RIPOR2: variants seen among roughly 807,000 people sequenced by gnomAD.
The protein encoded by RIPOR2 is rho family-interacting cell polarization regulator 2.
Under a neutral mutation model 114.5 loss-of-function variants are expected in RIPOR2, and 39 were observed. That is an observed-to-expected ratio of 0.34 (90% CI 0.26 to 0.44). The LOEUF (loss-of-function observed/expected upper bound fraction) is 0.44. Ranked by LOEUF, RIPOR2 falls within the 20% of genes least tolerant of loss-of-function variation. RIPOR2 has a pLI of 1.00. For missense variants in RIPOR2, 1,007 were observed against 1,255.1 expected, an observed-to-expected ratio of 0.80 and a Z score of 2.99; for synonymous variants, 445 against 484.4, an observed-to-expected ratio of 0.92 and a Z score of 1.07.
At chr6:24,872,054 A>G (rs190793022) in intron 4 of RIPOR2, among the ~76,000 whole-genome samples, 6 of 152,380 alleles carry the variant, frequency 3.9e-5, no homozygotes, top group Non-Finnish European at 7.3e-5. Context: ...GACAGCAGCT[A>G]TGAATGTCTA....
chr6:24,841,657 AC>A (rs1761732529), intron 13 of RIPOR2, among the ~76,000 whole-genome samples: 1 of 145,516 alleles, frequency 6.9e-6, no homozygotes, highest in Non-Finnish European at 1.5e-5. Flanking sequence ...TCACTTTTTC[AC>A]CCAGGCTGGA....
chr6:25,010,836 G>A (rs540113576), intron 1 of RIPOR2, among the ~76,000 whole-genome samples: 1 of 152,302 alleles, frequency 6.6e-6, no homozygotes, highest in Non-Finnish European at 1.5e-5. Flanking sequence ...AAATAAGATG[G>A]ACTTCTTGCC....
At position 24,868,086 on chromosome 6, in the gene RIPOR2, A is replaced by G. The variant is rs530626784; in HGVS notation, c.501+1008T>C. Among the ~76,000 whole-genome samples the G allele has an allele frequency of 1.1e-4, 17 of 152,366 alleles. No homozygotes were observed. The East Asian group carries it at 1.2e-3, about 10-fold the overall frequency. On this transcript the variant is annotated intron_variant, in intron 6 of 21. Transcript: ENST00000643898. ...TTTATTTATTGAGTTTAGCAGAAAT[A>G]GGAGCAATTTCAGATTTGCCTAGGT...
intron 1 of RIPOR2, among the ~76,000 whole-genome samples, chr6:25,036,381 G>T (rs778984664): frequency 0.055 from 8,313 of 152,006 alleles, 260 homozygotes; most frequent in Non-Finnish European, 0.068. Context: ...AGAGTTCAAC[G>T]GGTTTTTGTT....
intron 11 of RIPOR2, 51 bp from the exon 12 acceptor site, chr6:24,848,205 A>G: frequency 6.3e-7 from 1 of 1,595,008 alleles, no homozygotes; most frequent in Non-Finnish European, 8.6e-7. Context: ...ATCACCTATC[A>G]TCAACAGACC....
At chr6:24,936,073 G>C, upstream of RIPOR2, 1 of 570,866 alleles carries the variant, frequency 1.8e-6, no homozygotes, top group East Asian at 3.0e-5. Flanking sequence ...CTTGAGCCTT[G>C]TGAAGAGTGA....
intron 13 of RIPOR2, chr6:24,839,667 C>A (rs1761462302): frequency 2.0e-6 from 3 of 1,530,166 alleles, no homozygotes; most frequent in Non-Finnish European, 2.6e-6. Flanking sequence ...ACCATGTCAA[C>A]CACAAAGCCT....
intron 6 of RIPOR2, 72 bp downstream of exon 6, chr6:24,869,022 G>A (rs548249471): frequency 2.6e-5 from 22 of 845,306 alleles, no homozygotes; most frequent in African/African-American, 5.2e-5. Flanking sequence ...TAGATACTAC[G>A]CTCAGCCCAA....
chr6:24,996,520 T>C (rs1472545823), intron 1 of RIPOR2, among the ~76,000 whole-genome samples: 1 of 152,202 alleles, frequency 6.6e-6, no homozygotes, highest in Non-Finnish European at 1.5e-5. Context: ...TCTTCATGAA[T>C]GGCCTTATGC....
chr6:25,013,402 G>A (rs1775851663), intron 1 of RIPOR2, among the ~76,000 whole-genome samples: 1 of 152,120 alleles, frequency 6.6e-6, no homozygotes, highest in Non-Finnish European at 1.5e-5. Flanking sequence ...GAATGAATGA[G>A]GCTATAGCGG....
upstream of RIPOR2, among the ~76,000 whole-genome samples, chr6:24,937,356 C>A (rs1190173731): frequency 6.6e-6 from 1 of 152,168 alleles, no homozygotes; most frequent in African/African-American, 2.4e-5. Context: ...ATGCATGGAA[C>A]AGTAGCTCAA....
chr6:25,013,358 CT>C (rs1775849747), intron 1 of RIPOR2, among the ~76,000 whole-genome samples: 1 of 152,090 alleles, frequency 6.6e-6, no homozygotes, highest in Admixed American at 6.5e-5. Context: ...AGTCAAGCAT[CT>C]GCAACTCCCC....
At chr6:24,853,578 A>G (rs1763165638) in intron 8 of RIPOR2, among the ~76,000 whole-genome samples, 1 of 152,234 alleles carries the variant, frequency 6.6e-6, no homozygotes, top group Non-Finnish European at 1.5e-5. Context: ...AGATGGAGTT[A>G]CACCTGAGGT....
Position 24,837,800 on chromosome 6 carries a change from GT to G in RIPOR2, c.2039+1290del, listed in dbSNP as rs745860101. Among the ~76,000 whole-genome samples the G allele has an allele frequency of 5.8e-4, 85 of 146,662 alleles. No individual in the cohort carries two copies. The Middle Eastern group carries it at 0.01, about 18-fold the overall frequency. ...TTATGGGGTAAATTCAAGTTCTCAT[GT>G]TTTTTTTTTTCCTGGTTTTATTTTG... On this transcript the variant is annotated intron_variant, in intron 14 of 21. Transcript: ENST00000643898.
chr6:25,009,198 T>G (rs1775679933), intron 1 of RIPOR2, among the ~76,000 whole-genome samples: 1 of 152,184 alleles, frequency 6.6e-6, no homozygotes, highest in Non-Finnish European at 1.5e-5. Context: ...AAGAGGAGCT[T>G]ACTAAGACCA....
intron 16 of RIPOR2, among the ~76,000 whole-genome samples, chr6:24,831,575 G>A (rs759335178): frequency 1.2e-4 from 19 of 152,090 alleles, no homozygotes; most frequent in African/African-American, 4.1e-4. Flanking sequence ...CTCAGAGACC[G>A]GCCAAGGTCA....
chr6:24,855,473 T>G (rs1369228115), intron 8 of RIPOR2, among the ~76,000 whole-genome samples: 2 of 152,218 alleles, frequency 1.3e-5, no homozygotes, highest in Non-Finnish European at 2.9e-5. Flanking sequence ...TCCTCCCTGT[T>G]TACCCAGTAA....
At position 24,869,097 on chromosome 6, in the gene RIPOR2, A is replaced by G; in HGVS notation, c.498T>C (p.Ser166=). ...RYMRRLEFHI[S]KVDELYEAYC... is the part of the protein sequence containing the mutation. ...TGAGAACAGGAATTTCAGTTACCTT[A>G]CTTATATGAAACTCCAGGCGTCTCA... is the stretch of plus-strand genomic sequence containing the variant. Residue 166 remains serine, a synonymous_variant, in exon 6 of 22, where the codon AGT becomes AGC. Coordinates refer to ENST00000643898, the MANE Select transcript of RIPOR2 (RefSeq NM_001286445.3). 6.4e-7 allele frequency: 1 copy of G among 1,557,782 alleles called. No homozygotes were observed. Among genetic ancestry groups the G allele is most frequent in the Non-Finnish European group, 8.8e-7 (1 of 1,136,728 alleles).
chr6:24,947,113 G>A (rs1439222599), intron 1 of RIPOR2, among the ~76,000 whole-genome samples: 1 of 152,120 alleles, frequency 6.6e-6, no homozygotes, highest in Non-Finnish European at 1.5e-5. Flanking sequence ...GATTGTGTCT[G>A]TTTTTTTAAA....
Sources: allele counts gnomAD v4.1 joint callset (sites outside exome capture counted in the v4.1 genomes callset), GRCh38; gene constraint gnomAD v4.1.1; transcripts MANE v1.5; gene names NCBI Gene and HGNC (gene_info 2026-07-23, HGNC 2026-07-21).